The following DGKB variants were observed in gnomAD, a reference collection of about 807,000 sequenced individuals.
DGKB encodes 90 kDa diacylglycerol kinase.
A neutral mutation model predicts 114.3 loss-of-function variants in DGKB; 67 were observed. The observed-to-expected ratio is 0.59, with a 90% CI of 0.48 to 0.72. The LOEUF (loss-of-function observed/expected upper bound fraction) is 0.72, where lower values mean the gene tolerates loss of function less well. Ranked by LOEUF, DGKB falls within the 30% of genes least tolerant of loss-of-function variation. DGKB has a pLI of 0.00. For synonymous variants in DGKB, 398 were observed against 323.1 expected (o/e 1.23, Z -2.49); for missense variants, 907 against 975.2 (o/e 0.93, Z 0.93).
chr7:14,943,343 C>T (rs972071595), intron 1 of DGKB, among the ~76,000 whole-genome samples: 1 of 151,536 alleles, frequency 6.6e-6, no homozygotes, highest in Non-Finnish European at 1.5e-5. Context: ...AGAAAAAAAC[C>T]TCTATAATTA....
At chr7:14,840,966 C>G (rs1004543639) in intron 2 of DGKB, among the ~76,000 whole-genome samples, 1 of 152,016 alleles carries the variant, frequency 6.6e-6, no homozygotes, top group Admixed American at 6.6e-5. Flanking sequence ...AATTGTGCAC[C>G]TAACATTTTA....
rs540190275 is a variant in DGKB at position 14,657,429 on chromosome 7, A to G, written c.1134+15500T>C. 6.6e-5 allele frequency among the ~76,000 whole-genome samples: 10 copies of G among 152,032 alleles called. No homozygotes were observed. The South Asian group carries it at 1.9e-3, about 28-fold the overall frequency. On this transcript the variant is annotated intron_variant, in intron 13 of 25. Coordinates refer to ENST00000402815, the MANE Select transcript of DGKB (RefSeq NM_001350709.2). Reference sequence around the variant, plus strand: ...ATGAATTGATCTATAATGAATATTAATTAAATGAATATTAAGTAATGACAC... The same window carrying G: ...ATGAATTGATCTATAATGAATATTAGTTAAATGAATATTAAGTAATGACAC...
chr7:14,560,276 G>A (rs1796461224), intron 20 of DGKB, among the ~76,000 whole-genome samples: 1 of 151,880 alleles, frequency 6.6e-6, no homozygotes, highest in Non-Finnish European at 1.5e-5. Context: ...GTTGAGTATA[G>A]GTACAATGTT....
intron 1 of DGKB, among the ~76,000 whole-genome samples, chr7:14,922,382 G>GTGTGTGTA (rs199771259): frequency 0.078 from 10,196 of 130,076 alleles, 521 homozygotes; most frequent in African/African-American, 0.17. Flanking sequence ...CATCGTGTGT[G>GTGTGTGTA]TGTGTGTGTG....
At chr7:14,514,818 C>T (rs1012713906) in intron 20 of DGKB, among the ~76,000 whole-genome samples, 1 of 152,016 alleles carries the variant, frequency 6.6e-6, no homozygotes, top group African/African-American at 2.4e-5. Context: ...CATTGGGAGG[C>T]TGAGACAGGA....
chr7:14,241,276 A>C (rs1433002961), intron 23 of DGKB, among the ~76,000 whole-genome samples: 2 of 152,178 alleles, frequency 1.3e-5, no homozygotes, highest in African/African-American at 2.4e-5. Context: ...TAGTCCAAAC[A>C]TACAATTTCT....
At chr7:14,914,460 T>C (rs1176196059) in intron 1 of DGKB, among the ~76,000 whole-genome samples, 1 of 152,088 alleles carries the variant, frequency 6.6e-6, no homozygotes, top group Non-Finnish European at 1.5e-5. Context: ...AAAATGAATC[T>C]AGGAGAAACT....
At chr7:14,589,032 A>G (rs191155190) in intron 17 of DGKB, among the ~76,000 whole-genome samples, 2 of 152,180 alleles carry the variant, frequency 1.3e-5, no homozygotes, top group African/African-American at 4.8e-5. Flanking sequence ...TGAATGTAGT[A>G]TTGCTCGATT....
intron 21 of DGKB, among the ~76,000 whole-genome samples, chr7:14,426,291 G>T (rs1399509490): frequency 1.3e-5 from 2 of 152,142 alleles, no homozygotes; most frequent in African/African-American, 4.8e-5. Context: ...ATTGGACTTA[G>T]AAATCTGTAA....
chr7:14,921,114 C>A (rs927028320), intron 1 of DGKB, among the ~76,000 whole-genome samples: 1 of 151,882 alleles, frequency 6.6e-6, no homozygotes, highest in East Asian at 1.9e-4. Context: ...TCTGACATTT[C>A]GAAAAGGCAA....
At position 14,148,047 on chromosome 7, in the gene DGKB, CT is replaced by C. The variant is rs1380886346; in HGVS notation, c.*1083del. 6.6e-6 allele frequency: 1 copy of C among 152,058 alleles called. No individual in the cohort carries two copies. The highest frequency in any genetic ancestry group is 1.5e-5 in the Non-Finnish European group (1 of 67,980). 9.4% of individuals were successfully genotyped at this position (152,058 alleles called of 1,614,324 possible). The stretch of plus-strand genomic sequence containing the variant: ...ATAAACTGATACAATCATTTACTTC[CT>C]TCAAGTGTACTTAACTGATCCATGA... On this transcript the variant is annotated 3_prime_UTR_variant, in exon 26 of 26. Transcript: ENST00000402815.
At chr7:14,690,820 C>T (rs1000876546) in intron 9 of DGKB, among the ~76,000 whole-genome samples, 1 of 152,154 alleles carries the variant, frequency 6.6e-6, no homozygotes, top group Admixed American at 6.5e-5. Flanking sequence ...TTTTAAAAAA[C>T]AATTCTCCAA....
At chr7:14,192,183 G>T (rs1562578837) in intron 23 of DGKB, 10 of 293,346 alleles carry the variant, frequency 3.4e-5, no homozygotes, top group South Asian at 2.0e-4. Flanking sequence ...GTCCCTATTT[G>T]TAGATGTTAT....
chr7:14,913,112 A>G (rs914893562), intron 1 of DGKB, among the ~76,000 whole-genome samples: 3 of 152,076 alleles, frequency 2.0e-5, no homozygotes, highest in Non-Finnish European at 4.4e-5. Flanking sequence ...ATGTTCCAGC[A>G]TTGTGGATCA....
In DGKB at chr7:14,176,863, C is replaced by T. The variant is rs773691602; in HGVS notation, c.2280G>A (p.Glu760=). 12 of 1,613,618 alleles carry T rather than the reference C, an allele frequency of 7.4e-6. No homozygotes were observed. The Admixed American group carries it at 1.3e-4, about 18-fold the overall frequency. Residue 760 remains glutamate (E), a synonymous_variant, in exon 25 of 26, where the codon GAG becomes GAA. Coordinates refer to ENST00000402815, the MANE Select transcript of DGKB (RefSeq NM_001350709.2). ...CTGTGCATGGGGTCTGCATCCATGG[C>T]TCCCCATCAATTTGCATTGGCAGAG... The part of the protein sequence containing the change: ...SKSLPMQIDG[E]PWMQTPCTIK...
chr7:14,277,696 C>G (rs951841442), intron 23 of DGKB, among the ~76,000 whole-genome samples: 1 of 152,206 alleles, frequency 6.6e-6, no homozygotes, highest in South Asian at 2.1e-4. Flanking sequence ...CATATCTTAA[C>G]CACTGTGTAT....
At chr7:14,401,439 A>G (rs1208506593) in intron 21 of DGKB, among the ~76,000 whole-genome samples, 1 of 151,924 alleles carries the variant, frequency 6.6e-6, no homozygotes, top group Middle Eastern at 3.2e-3. Context: ...ACTGCTTGGC[A>G]TGCATTAAGT....
chr7:14,338,651 A>G lies in DGKB; in HGVS notation c.1986T>C (p.Asn662=), dbSNP rs61753127. The change falls in exon 23 of 26, where the codon AAT becomes AAC. Residue 662 remains asparagine, a synonymous_variant. Transcript: ENST00000402815. ...NISLEGIAIL[N]IPSMHGGSNL... Reference sequence around the variant, plus strand: ...TGGATCCTCCATGCATGCTTGGTATATTCAAAATAGCAATTCCTTCCAGAG... The same window carrying G: ...TGGATCCTCCATGCATGCTTGGTATGTTCAAAATAGCAATTCCTTCCAGAG... The G allele has an allele frequency of 2.8e-3, 4,444 of 1,602,980 alleles. 9 individuals carry two copies. The highest frequency in any genetic ancestry group is 3.4e-3 in the Non-Finnish European group (3,966 of 1,173,858).
intron 23 of DGKB, among the ~76,000 whole-genome samples, chr7:14,203,161 C>CAAAAAAAAAAAAAAAAAA (rs374610278): frequency 6.2e-5 from 6 of 96,146 alleles, no homozygotes; most frequent in African/African-American, 2.2e-4. Context: ...GAGCAGTAGC[C>CAAAAAAAAAAAAAAAAAA]AAAAAAAAAA....
Sources: allele counts gnomAD v4.1 joint callset (sites outside exome capture counted in the v4.1 genomes callset), GRCh38; gene constraint gnomAD v4.1.1; transcripts MANE v1.5; gene names NCBI Gene and HGNC (gene_info 2026-07-23, HGNC 2026-07-21).